KLHL3: variants seen among roughly 807,000 people sequenced by gnomAD.
KLHL3 encodes the protein kelch-like protein 3.
A neutral mutation model predicts 70.5 loss-of-function variants in KLHL3; 19 were observed. That is an observed-to-expected ratio of 0.27 (90% CI 0.19 to 0.40). The LOEUF (loss-of-function observed/expected upper bound fraction) is 0.40. Among genes scored for constraint, KLHL3 ranks in the 10% least tolerant of loss-of-function variants. The pLI is 1.00. For synonymous variants in KLHL3, 258 were observed against 290.3 expected (o/e 0.89, Z 1.13); for missense variants, 512 against 771.1 (o/e 0.66, Z 3.98).
chr5:137,717,585 A>C (rs926101026), intron 2 of KLHL3, among the ~76,000 whole-genome samples: 4 of 152,198 alleles, frequency 2.6e-5, no homozygotes, highest in African/African-American at 9.6e-5. Flanking sequence ...AAGCTAAGGA[A>C]TGTAGAGACT....
chr5:137,692,136 CATTA>C, intron 5 of KLHL3, 145 bp downstream of exon 5: 1 of 685,804 alleles, frequency 1.5e-6, no homozygotes, highest in East Asian at 2.8e-5. Context: ...ACTGTCCTAT[CATTA>C]ATTATCTTTC....
intron 1 of KLHL3, among the ~76,000 whole-genome samples, chr5:137,731,088 G>A (rs1334223617): frequency 6.6e-6 from 1 of 151,720 alleles, no homozygotes; most frequent in Admixed American, 6.6e-5. Flanking sequence ...ACTTGCTTTA[G>A]GAAAACTTAC....
intron 6 of KLHL3, among the ~76,000 whole-genome samples, chr5:137,677,120 T>TA (rs937072674): frequency 9.9e-4 from 147 of 148,124 alleles, no homozygotes; most frequent in African/African-American, 3.5e-3. Flanking sequence ...TTAAAGGGAT[T>TA]AAAAAAAAAA....
chr5:137,729,861 G>A (rs1443824797), intron 1 of KLHL3, among the ~76,000 whole-genome samples: 1 of 152,070 alleles, frequency 6.6e-6, no homozygotes, highest in Non-Finnish European at 1.5e-5. Context: ...CAGGATTCAG[G>A]ACTTGGTGGT....
At chr5:137,626,666 C>T (rs1750469882) in intron 13 of KLHL3, among the ~76,000 whole-genome samples, 1 of 152,178 alleles carries the variant, frequency 6.6e-6, no homozygotes, top group Non-Finnish European at 1.5e-5. Flanking sequence ...AATGGACACC[C>T]TCCTGGATGG....
At chr5:137,696,791 A>G (rs1413411459) in intron 4 of KLHL3, among the ~76,000 whole-genome samples, 3 of 152,132 alleles carry the variant, frequency 2.0e-5, no homozygotes, top group Non-Finnish European at 2.9e-5. Context: ...TCATATTGGT[A>G]TGGTCCAATG....
At chr5:137,641,552 C>A (rs900908976) in intron 8 of KLHL3, among the ~76,000 whole-genome samples, 3 of 152,166 alleles carry the variant, frequency 2.0e-5, no homozygotes, top group Non-Finnish European at 4.4e-5. Flanking sequence ...TTTACTTCCC[C>A]ATGATGTATT....
At chr5:137,647,423 C>T (rs1561589584) in intron 8 of KLHL3, 153 of 288,836 alleles carry the variant, frequency 5.3e-4, no homozygotes, top group South Asian at 8.3e-4. Flanking sequence ...AGATCAAGAC[C>T]CTAGCCCTGG....
At chr5:137,658,384 C>T in intron 7 of KLHL3, 104 bp from the exon 8 acceptor site, 1 of 1,056,928 alleles carries the variant, frequency 9.5e-7, no homozygotes, top group Non-Finnish European at 1.4e-6. Context: ...CTCATTCATT[C>T]CTTCACCACA....
chr5:137,694,192 A>C (rs1352788272), intron 4 of KLHL3, among the ~76,000 whole-genome samples: 1 of 151,876 alleles, frequency 6.6e-6, no homozygotes, highest in Non-Finnish European at 1.5e-5. Context: ...GCTCCTACCC[A>C]CAGGCTTACA....
At position 137,662,011 on chromosome 5, in the gene KLHL3, T is replaced by A. The variant is rs775569749; in HGVS notation, c.657A>T (p.Ser219=). The change falls in exon 7 of 15, where the codon TCA becomes TCT. Residue 219 remains serine, a synonymous_variant. Transcript: ENST00000309755. ...SEEKVFEAVI[S]WINYEKETRL... ...GGGTTTCTTTCTCATAATTGATCCA[T>A]GAGATCACAGCTTCAAACACCTATA... 1 of 1,607,678 alleles carries A rather than the reference T, an allele frequency of 6.2e-7. No homozygotes were observed. Among genetic ancestry groups the A allele is most frequent in the Non-Finnish European group, 8.5e-7 (1 of 1,176,232 alleles).
At chr5:137,699,915 C>T (rs1239517480) in intron 3 of KLHL3, among the ~76,000 whole-genome samples, 2 of 152,208 alleles carry the variant, frequency 1.3e-5, no homozygotes, top group African/African-American at 4.8e-5. Flanking sequence ...GCACATGATT[C>T]CTCCACCAAT....
intron 8 of KLHL3, among the ~76,000 whole-genome samples, chr5:137,653,464 C>T (rs1580734797): frequency 6.6e-6 from 1 of 152,004 alleles, no homozygotes; most frequent in Non-Finnish European, 1.5e-5. Flanking sequence ...GACACTTCAC[C>T]AAAGAAGAAA....
At chr5:137,712,007 A>T (rs1752801283) in intron 2 of KLHL3, among the ~76,000 whole-genome samples, 1 of 151,682 alleles carries the variant, frequency 6.6e-6, no homozygotes, top group Non-Finnish European at 1.5e-5. Context: ...TACAAAAAAA[A>T]AAAAGCCCGG....
chr5:137,645,338 G>A (rs1329218103), intron 8 of KLHL3, among the ~76,000 whole-genome samples: 1 of 152,114 alleles, frequency 6.6e-6, no homozygotes, highest in African/African-American at 2.4e-5. Flanking sequence ...AGAAAGAAAT[G>A]AAGTACATTC....
At chr5:137,711,143 A>G (rs1752784731) in intron 2 of KLHL3, among the ~76,000 whole-genome samples, 1 of 152,248 alleles carries the variant, frequency 6.6e-6, no homozygotes, top group Non-Finnish European at 1.5e-5. Flanking sequence ...GAGGCCAATT[A>G]ATGAGTCTGC....
chr5:137,683,351 G>C (rs568655789), intron 5 of KLHL3, among the ~76,000 whole-genome samples: 1 of 152,120 alleles, frequency 6.6e-6, no homozygotes, highest in Non-Finnish European at 1.5e-5. Context: ...TGAACCACAG[G>C]TCACACCCTC....
intron 4 of KLHL3, among the ~76,000 whole-genome samples, chr5:137,694,679 G>A (rs1427714756): frequency 6.6e-6 from 1 of 152,194 alleles, no homozygotes; most frequent in African/African-American, 2.4e-5. Flanking sequence ...TAAGACTGGT[G>A]TCAAGGCCAT....
intron 13 of KLHL3, among the ~76,000 whole-genome samples, chr5:137,627,429 A>C (rs1257771986): frequency 6.7e-6 from 1 of 149,070 alleles, no homozygotes; most frequent in Admixed American, 6.8e-5. Context: ...AAGCCAAATG[A>C]GAACTTGGCA....
Sources: gnomAD v4.1 joint callset for allele counts (sites outside exome capture counted in the v4.1 genomes callset) on GRCh38, gnomAD v4.1.1 for gene constraint, MANE v1.5 for transcripts, NCBI Gene and HGNC (gene_info 2026-07-23, HGNC 2026-07-21) for gene names.